Variants in AKAP7 observed in about 807,000 individuals in gnomAD.
AKAP7 encodes the protein A-kinase anchoring protein 7, also known as A kinase (PRKA) anchor protein 7.
A neutral mutation model predicts 39.5 loss-of-function variants in AKAP7; 39 were observed. The ratio of observed to expected loss-of-function variants is 0.99; its 90% CI spans 0.76 to 1.29. The LOEUF (loss-of-function observed/expected upper bound fraction) is 1.29. AKAP7 is among the 50% of genes most tolerant of loss of function. AKAP7 has a pLI of 0.00. For missense variants in AKAP7, 414 were observed against 407.7 expected (o/e 1.02, Z -0.13); for synonymous variants, 140 against 139.1 (o/e 1.01, Z -0.05).
intron 7 of AKAP7, among the ~76,000 whole-genome samples, chr6:131,253,936 T>C (rs1462605253): frequency 1.3e-5 from 2 of 152,156 alleles, no homozygotes; most frequent in Non-Finnish European, 2.9e-5. Flanking sequence ...GCAGTAAACA[T>C]CGGGGTGCAG....
Position 131,244,848 on chromosome 6 carries a change from C to A in AKAP7, c.850+25040C>A, listed in dbSNP as rs541752365. Among the ~76,000 whole-genome samples the A allele has an allele frequency of 2.6e-5, 4 of 152,176 alleles. No homozygotes were observed. In the South Asian group the frequency reaches 8.3e-4, roughly 32 times the overall value. Reference sequence around the variant, plus strand: ...CTTCTGTTTTATAGAAAAAAAAATTCTCTTTCCATTTGCTATACATATTAA... The same window carrying A: ...CTTCTGTTTTATAGAAAAAAAAATTATCTTTCCATTTGCTATACATATTAA... On this transcript the variant is annotated intron_variant, in intron 7 of 7. Transcript: ENST00000431975.
At chr6:131,128,557 C>T in the AKAP7 span, among the ~76,000 whole-genome samples, 2 of 152,092 alleles carry the variant, frequency 1.3e-5, no homozygotes, top group South Asian at 2.1e-4. Context: ...TGTGGTGGCT[C>T]ACATCTGTAA....
chr6:131,130,506 G>A (rs1800303730), upstream of AKAP7, among the ~76,000 whole-genome samples: 1 of 152,188 alleles, frequency 6.6e-6, no homozygotes, highest in Non-Finnish European at 1.5e-5. Context: ...ATGTTGGTCA[G>A]GCTGGTATCA....
chr6:131,143,434 C>T (rs185984042), intron 1 of AKAP7, among the ~76,000 whole-genome samples: 46 of 152,228 alleles, frequency 3.0e-4, no homozygotes, highest in African/African-American at 9.9e-4. Context: ...TTTTTCTTGA[C>T]GTGTGACATG....
At chr6:131,195,705 A>G (rs2128277784) in intron 5 of AKAP7, among the ~76,000 whole-genome samples, 1 of 152,182 alleles carries the variant, frequency 6.6e-6, no homozygotes, top group South Asian at 2.1e-4. Flanking sequence ...GGCTATTTTT[A>G]TCAGATATAC....
intron 7 of AKAP7, among the ~76,000 whole-genome samples, chr6:131,265,456 G>A (rs1429063642): frequency 6.6e-6 from 1 of 152,172 alleles, no homozygotes; most frequent in Non-Finnish European, 1.5e-5. Context: ...CAGCAGCCCT[G>A]TGGTGTAGAA....
chr6:131,172,046 A>T (rs770497290), intron 5 of AKAP7, among the ~76,000 whole-genome samples: 6 of 152,190 alleles, frequency 3.9e-5, no homozygotes, highest in Non-Finnish European at 8.8e-5. Flanking sequence ...CATAGAGAGT[A>T]TGAAGAAACT....
At chr6:131,235,925 A>T (rs1007222903) in intron 7 of AKAP7, among the ~76,000 whole-genome samples, 12 of 152,088 alleles carry the variant, frequency 7.9e-5, no homozygotes, top group African/African-American at 2.4e-4. Flanking sequence ...CCCATTTGTC[A>T]ATTTTGGCTT....
At chr6:131,126,832 G>A in the AKAP7 span, among the ~76,000 whole-genome samples, 2 of 152,110 alleles carry the variant, frequency 1.3e-5, no homozygotes, top group African/African-American at 4.8e-5. Flanking sequence ...AGAAATCGGA[G>A]TAATTTAATG....
At chr6:131,219,944 A>G in intron 7 of AKAP7, 136 bp downstream of exon 7, 1 of 605,528 alleles carries the variant, frequency 1.7e-6, no homozygotes, top group Non-Finnish European at 2.5e-6. Context: ...TGTTTTGACA[A>G]TGATACATTG....
chr6:131,267,839 G>A (rs1055256108), intron 7 of AKAP7, among the ~76,000 whole-genome samples: 1 of 152,182 alleles, frequency 6.6e-6, no homozygotes, highest in Non-Finnish European at 1.5e-5. Flanking sequence ...CTTTCCTTGA[G>A]AGCGTTCATG....
intron 7 of AKAP7, among the ~76,000 whole-genome samples, chr6:131,236,033 TTTAGGTCTAACA>T (rs1811025987): frequency 1.3e-5 from 2 of 152,226 alleles, no homozygotes; most frequent in South Asian, 4.1e-4. Context: ...TTTTTATGGT[TTTAGGTCTAACA>T]TTTAAGTCTT....
At chr6:131,194,604 A>G (rs1806735725) in intron 5 of AKAP7, among the ~76,000 whole-genome samples, 1 of 152,044 alleles carries the variant, frequency 6.6e-6, no homozygotes, top group Non-Finnish European at 1.5e-5. Context: ...TCTGGAAGGT[A>G]TGTCCAGTGC....
intron 2 of AKAP7, among the ~76,000 whole-genome samples, chr6:131,156,597 A>C (rs1418855621): frequency 6.6e-6 from 1 of 151,700 alleles, no homozygotes; most frequent in Non-Finnish European, 1.5e-5. Flanking sequence ...CTATGATTGC[A>C]TCACTGCACT....
rs1528866 is a variant in AKAP7 at position 131,161,000 on chromosome 6, C to T, written c.291+802C>T. 0.012 allele frequency among the ~76,000 whole-genome samples: 1,781 copies of T among 144,742 alleles called. 121 individuals are homozygous for T. In the East Asian group the frequency reaches 0.18, roughly 15 times the overall value. 95.0% of individuals were successfully genotyped at this position (144,742 alleles called of 152,430 possible). Reference sequence around the variant, plus strand: ...CTGTTTTTACCCTTTGGCCCAATTACGAGCCAGATTTGAATTTCTGTTTGA... The same window carrying T: ...CTGTTTTTACCCTTTGGCCCAATTATGAGCCAGATTTGAATTTCTGTTTGA... On this transcript the variant is annotated intron_variant, in intron 3 of 7. Transcript: ENST00000431975.
chr6:131,149,215 T>A (rs1801719780), intron 2 of AKAP7, among the ~76,000 whole-genome samples: 1 of 152,236 alleles, frequency 6.6e-6, no homozygotes. Context: ...AGACTTTTAT[T>A]AGGGTTATAG....
intron 2 of AKAP7, among the ~76,000 whole-genome samples, chr6:131,153,892 T>G (rs1243520122): frequency 6.6e-6 from 1 of 152,154 alleles, no homozygotes; most frequent in Non-Finnish European, 1.5e-5. Context: ...GACTTCTGTC[T>G]CATTCCATTC....
chr6:131,230,658 A>G (rs182329468), intron 7 of AKAP7, among the ~76,000 whole-genome samples: 145 of 152,224 alleles, frequency 9.5e-4, no homozygotes, highest in African/African-American at 3.4e-3. Flanking sequence ...ATTCTTTGCC[A>G]AGGCCAATGT....
rs142132332 is a variant in AKAP7, at chr6:131,266,099, G to A, written c.851-15431G>A. On this transcript the variant is annotated intron_variant, in intron 7 of 7. Coordinates refer to ENST00000431975, the MANE Select transcript of AKAP7 (RefSeq NM_016377.4). ...AGGAGACCCTCAGCAGCCTCAGTGG[G>A]GCCAACTCTGGCTTACTCTTCAGGA... Among the ~76,000 whole-genome samples, 84 of 152,228 alleles carry A rather than the reference G, an allele frequency of 5.5e-4. No homozygotes were observed. In the East Asian group the frequency reaches 0.011, roughly 20 times the overall value.
Sources: gnomAD v4.1 joint callset for allele counts (sites outside exome capture counted in the v4.1 genomes callset) on GRCh38, gnomAD v4.1.1 for gene constraint, MANE v1.5 for transcripts, NCBI Gene and HGNC (gene_info 2026-07-23, HGNC 2026-07-21) for gene names.